MRPS7: variants seen among roughly 807,000 people sequenced by gnomAD.
MRPS7 encodes the protein small ribosomal subunit protein uS7m.
Under a neutral mutation model 26.2 loss-of-function variants are expected in MRPS7, and 13 were observed. The observed-to-expected ratio is 0.50, with a 90% CI of 0.32 to 0.79. MRPS7 has a LOEUF of 0.79. Among genes scored for constraint, MRPS7 ranks in the 30% least tolerant of loss-of-function variants. The pLI, the probability that MRPS7 is intolerant of heterozygous loss-of-function variation, is 0.03. For synonymous variants in MRPS7, 129 were observed against 113.3 expected (o/e 1.14, Z -0.88); for missense variants, 318 against 312.2 (o/e 1.02, Z -0.14).
rs1192570164 is a variant in MRPS7, at chr17:75,265,994, C to T, written c.*71C>T. On this transcript the variant is annotated 3_prime_UTR_variant, in exon 5 of 5. Coordinates refer to ENST00000245539, the MANE Select transcript of MRPS7 (RefSeq NM_015971.4). The stretch of plus-strand genomic sequence containing the variant: ...GAGCTACTGCCACGCTGAAAACTAC[C>T]TGTGGGTTAAGGATGTAGTTCCTTT... 13 of 1,438,454 alleles carry T rather than the reference C, an allele frequency of 9.0e-6. No homozygotes were observed. The highest frequency in any genetic ancestry group is 2.9e-6 in the Non-Finnish European group (3 of 1,037,820). 89.1% of individuals were successfully genotyped at this position (1,438,454 alleles called of 1,614,324 possible).
rs751801208 is a variant in MRPS7, at chr17:75,265,889, C to T, written c.695C>T (p.Ala232Val). ...CATGACTTGCACAAGATGGCAGAGG[C>T]CAACCGTGCCCTGGCCCACTACCGC... The part of the protein sequence containing the change: ...RKHDLHKMAE[A>V]NRALAHYRWW The change falls in exon 5 of 5, where the codon GCC becomes GTC. Residue 232 changes from alanine (A) to valine (V), a missense_variant. By Grantham distance (64) the Ala-to-Val change is moderately conservative. Coordinates refer to ENST00000245539, the MANE Select transcript of MRPS7 (RefSeq NM_015971.4). 14 of 1,613,932 alleles carry T rather than the reference C, an allele frequency of 8.7e-6. No homozygotes were observed. Among genetic ancestry groups the T allele is most frequent in the Non-Finnish European group, 1.2e-5 (14 of 1,180,004 alleles).
intron 3 of MRPS7, 127 bp from the exon 4 acceptor site, chr17:75,263,213 G>A (rs2077436184): frequency 1.7e-6 from 2 of 1,156,712 alleles, no homozygotes; most frequent in African/African-American, 1.6e-5. Context: ...TGTTTTGGAT[G>A]TGCTGTGAGA....
At chr17:75,263,209 G>C in intron 3 of MRPS7, 131 bp from the exon 4 acceptor site, 1 of 1,091,534 alleles carries the variant, frequency 9.2e-7, no homozygotes, top group Non-Finnish European at 1.3e-6. Context: ...ACTTTGTTTT[G>C]GATGTGCTGT....
intron 3 of MRPS7, 99 bp downstream of exon 3, chr17:75,262,966 G>A: frequency 8.4e-7 from 1 of 1,195,394 alleles, no homozygotes; most frequent in African/African-American, 1.5e-5. Flanking sequence ...ATGGATTCAT[G>A]TATCTATTAT....
rs773407145 is a variant in MRPS7, at chr17:75,265,869, C to T, written c.675C>T (p.Asp225=). Residue 225 remains aspartate, a synonymous_variant, in exon 5 of 5, where the codon GAC becomes GAT. Coordinates refer to ENST00000245539, the MANE Select transcript of MRPS7 (RefSeq NM_015971.4). ...NQGPVIKRKH[D]LHKMAEANRA... ...GCCCCGTGATCAAGAGGAAGCATGA[C>T]TTGCACAAGATGGCAGAGGCCAACC... 2.5e-5 allele frequency: 40 copies of T among 1,614,006 alleles called. No individual in the cohort carries two copies. The highest frequency in any genetic ancestry group is 3.1e-5 in the Non-Finnish European group (37 of 1,180,054).
chr17:75,262,576 G>A lies in MRPS7; in HGVS notation c.163G>A (p.Val55Met). The change falls in exon 2 of 5, where the codon GTG becomes ATG. Residue 55 changes from valine (V) to methionine (M), a missense_variant. By Grantham distance (21) the Val-to-Met change is conservative. Coordinates refer to ENST00000245539, the MANE Select transcript of MRPS7 (RefSeq NM_015971.4). ...TGACAAGGAATATTATCGCAAGCCA[G>A]TGGAGGAGCTAACTGAGGAGGAGAA... The part of the protein sequence containing the change: ...LIDKEYYRKP[V>M]EELTEEEKYV... 1.2e-6 allele frequency: 2 copies of A among 1,614,174 alleles called. No individual in the cohort carries two copies. The highest frequency in any genetic ancestry group is 4.5e-5 in the East Asian group (2 of 44,888).
rs1414979908 is a variant in MRPS7, at chr17:75,262,610, G to A, written c.197G>A (p.Arg66Gln). The change falls in exon 2 of 5, where the codon CGG becomes CAG. Residue 66 changes from arginine (R) to glutamine (Q), a missense_variant. Physicochemically the swap from Arg to Gln is conservative, Grantham distance 43. Transcript: ENST00000245539. ...CTAACTGAGGAGGAGAAATATGTTCGGGAGCTCAAGAAGACTCAGCTCATC... is the reference window on the plus strand; with the variant it reads ...CTAACTGAGGAGGAGAAATATGTTCAGGAGCTCAAGAAGACTCAGCTCATC... ...EELTEEEKYV[R>Q]ELKKTQLIKA... The A allele has an allele frequency of 2.5e-6, 4 of 1,613,978 alleles. No individual in the cohort carries two copies. In the Admixed American group the frequency reaches 6.7e-5, roughly 27 times the overall value.
chr17:75,262,233 G>A (rs997112333), intron 1 of MRPS7: 2 of 636,636 alleles, frequency 3.1e-6, no homozygotes, highest in Non-Finnish European at 5.4e-6. Flanking sequence ...TCAGATCTGG[G>A]ATCGCCTGTG....
Position 75,265,357 on chromosome 17 carries a change from T to C in MRPS7, c.508-345T>C, listed in dbSNP as rs150071166. ...CTGGCCTTCTTTTTTTTTTAATATATGGAGACAGGGTCTTGTTATATTGAC... is the reference window on the plus strand; with the variant it reads ...CTGGCCTTCTTTTTTTTTTAATATACGGAGACAGGGTCTTGTTATATTGAC... On this transcript the variant is annotated intron_variant, in intron 4 of 4. Coordinates refer to ENST00000245539, the MANE Select transcript of MRPS7 (RefSeq NM_015971.4). 2.6e-5 allele frequency among the ~76,000 whole-genome samples: 4 copies of C among 151,816 alleles called. No individual in the cohort carries two copies. The East Asian group carries it at 5.8e-4, about 22-fold the overall frequency.
rs377021720 is a variant in MRPS7 at position 75,261,992 on chromosome 17, G to A, written c.83+9G>A. On this transcript the variant is annotated intron_variant, in intron 1 of 4. Coordinates refer to ENST00000245539, the MANE Select transcript of MRPS7 (RefSeq NM_015971.4). ...GTCTTGCAGCTTCCAGGGTGAGAGGGTGGCGAGCAGCGGCGGGGGGGCGCT... is the reference window on the plus strand; with the variant it reads ...GTCTTGCAGCTTCCAGGGTGAGAGGATGGCGAGCAGCGGCGGGGGGGCGCT... The A allele has an allele frequency of 4.6e-6, 7 of 1,520,710 alleles. No homozygotes were observed. Among genetic ancestry groups the A allele is most frequent in the Non-Finnish European group, 6.1e-6 (7 of 1,147,312 alleles). The allele number at this position is 1,520,710 out of a possible 1,614,324, so 94.2% of individuals were successfully genotyped here.
chr17:75,262,443 C>G, intron 1 of MRPS7, 54 bp from the exon 2 acceptor site: 2 of 1,580,956 alleles, frequency 1.3e-6, no homozygotes, highest in Non-Finnish European at 1.7e-6. Context: ...TAAGTCAAAC[C>G]TACTCGCTTG....
rs1366385935 is a variant in MRPS7 at position 75,263,483 on chromosome 17, C to T, written c.483C>T (p.Ile161=). 15 of 1,614,048 alleles carry T rather than the reference C, an allele frequency of 9.3e-6. No homozygotes were observed. Among genetic ancestry groups the T allele is most frequent in the Non-Finnish European group, 1.3e-5 (15 of 1,180,028 alleles). Residue 161 remains isoleucine, a synonymous_variant, in exon 4 of 5, where the codon ATC becomes ATT. Transcript: ENST00000245539. ...AGCCTATGATTGGGCTGGTACCCAT[C>T]CTCAAGGGAGGCCGTTTCTACCAGG... ...NCEPMIGLVP[I]LKGGRFYQVP...
chr17:75,263,907 G>C, intron 4 of MRPS7: 1 of 149,168 alleles, frequency 6.7e-6, no homozygotes, highest in Non-Finnish European at 1.5e-5. Context: ...AAAACGGCTG[G>C]GCACGGTGGC....
chr17:75,262,905 C>G (rs942877075), intron 3 of MRPS7, 38 bp downstream of exon 3: 3 of 1,596,976 alleles, frequency 1.9e-6, no homozygotes, highest in Non-Finnish European at 2.6e-6. Flanking sequence ...CTTTCTTGCC[C>G]CCCTACCCCG....
In MRPS7 at chr17:75,261,947, C is replaced by T. The variant is rs148590649; in HGVS notation, c.47C>T (p.Ala16Val). ...GTTGCCCGAGGATGGTCGGGCCTGG[C>T]GTTGGGCGTGCGGCGGGCTGTCTTG... ...VKVARGWSGL[A>V]LGVRRAVLQL... Residue 16 changes from alanine (A) to valine (V), a missense_variant, in exon 1 of 5, where the codon GCG becomes GTG. Physicochemically the swap from Ala to Val is moderately conservative, Grantham distance 64 (BLOSUM62 0). Transcript: ENST00000245539. 6.2e-3 allele frequency: 9,947 copies of T among 1,608,276 alleles called. 50 individuals are homozygous for T. Among genetic ancestry groups the T allele is most frequent in the Middle Eastern group, 8.9e-3 (54 of 6,062 alleles).
intron 1 of MRPS7, 87 bp from the exon 2 acceptor site, chr17:75,262,410 G>A: frequency 7.0e-7 from 1 of 1,435,468 alleles, no homozygotes; most frequent in South Asian, 1.3e-5. Flanking sequence ...CCTCGTCGGC[G>A]CGTTGGCAGT....
chr17:75,265,842 G>A lies in MRPS7; in HGVS notation c.648G>A (p.Gln216=). Residue 216 remains glutamine (Q), a synonymous_variant, in exon 5 of 5, where the codon CAG becomes CAA. Coordinates refer to ENST00000245539, the MANE Select transcript of MRPS7 (RefSeq NM_015971.4). ...SHKLLEAFHN[Q]GPVIKRKHDL... is the part of the protein sequence containing the mutation. The stretch of plus-strand genomic sequence containing the variant: ...AGCTGCTGGAGGCTTTCCATAACCA[G>A]GGCCCCGTGATCAAGAGGAAGCATG... 6.2e-7 allele frequency: 1 copy of A among 1,614,158 alleles called. No individual in the cohort carries two copies. The highest frequency in any genetic ancestry group is 2.2e-5 in the East Asian group (1 of 44,882).
chr17:75,262,701 C>T lies in MRPS7; in HGVS notation c.275+13C>T. The T allele has an allele frequency of 6.2e-7, 1 of 1,614,020 alleles. No homozygotes were observed. Among genetic ancestry groups the T allele is most frequent in the Non-Finnish European group, 8.5e-7 (1 of 1,179,930 alleles). On this transcript the variant is annotated intron_variant, in intron 2 of 4. Transcript: ENST00000245539. ...ACCCAGTCATCAGGTTAGATGGAAACAAACACTTGTTACATGGACTGGGAC... is the reference window on the plus strand; with the variant it reads ...ACCCAGTCATCAGGTTAGATGGAAATAAACACTTGTTACATGGACTGGGAC...
chr17:75,264,798 G>A (rs1431202241), intron 4 of MRPS7, among the ~76,000 whole-genome samples: 1 of 151,040 alleles, frequency 6.6e-6, no homozygotes, highest in African/African-American at 2.4e-5. Context: ...TCCTGTCTCA[G>A]TCCCTGCCCA....
Sources: allele counts gnomAD v4.1 joint callset (sites outside exome capture counted in the v4.1 genomes callset), GRCh38; gene constraint gnomAD v4.1.1; transcripts MANE v1.5; gene names NCBI Gene and HGNC (gene_info 2026-07-23, HGNC 2026-07-21).